The following SNAPC2 variants were observed in gnomAD, a reference collection of about 807,000 sequenced individuals.
The protein encoded by SNAPC2 is small nuclear RNA activating complex polypeptide 2, also known as snRNA-activating protein complex subunit 2.
Under a neutral mutation model 22.9 loss-of-function variants are expected in SNAPC2, and 27 were observed. The observed-to-expected ratio is 1.18, with a 90% CI of 0.87 to 1.63. SNAPC2 has a LOEUF of 1.63. Ranked by LOEUF, SNAPC2 falls within the 40% of genes most tolerant of loss-of-function variation. SNAPC2 has a pLI of 0.00. For missense variants in SNAPC2, 570 were observed against 449.1 expected (o/e 1.27, Z -2.43); for synonymous variants, 272 against 201.0 (o/e 1.35, Z -2.99).
rs972125881 is a variant in SNAPC2, at chr19:7,920,572, G to C, written c.183+23G>C. 4.0e-5 allele frequency: 51 copies of C among 1,269,688 alleles called. No individual in the cohort carries two copies. The East Asian group carries it at 1.5e-3, about 37-fold the overall frequency. The allele number at this position is 1,269,688 out of a possible 1,614,324, so 78.7% of individuals were successfully genotyped here. A position where few individuals can be genotyped will look rare whatever the true frequency, so the allele number is the denominator to read the frequency against. ...GAGGTGAGATGCGGTTCTCGGGACC[G>C]GAGCCAGGCTGGAGGCGGGGCTGGG... On this transcript the variant is annotated intron_variant, in intron 1 of 4. Coordinates refer to ENST00000221573, the MANE Select transcript of SNAPC2 (RefSeq NM_003083.4).
rs1175913943 is a variant in SNAPC2, at chr19:7,921,462, C to T, written c.223C>T (p.Arg75Trp). ...CCAGCAGCTCAAGGGCCGCGTAGCCCGGGAGGCCATTCAGAAAGTGCATCC... is the reference window on the plus strand; with the variant it reads ...CCAGCAGCTCAAGGGCCGCGTAGCCTGGGAGGCCATTCAGAAAGTGCATCC... ...FLQQLKGRVA[R>W]EAIQKVHPGG... The change falls in exon 2 of 5, where the codon CGG (arginine) becomes TGG (tryptophan). Residue 75 changes from arginine (R) to tryptophan (W), a missense_variant. Transcript: ENST00000221573. 1 of 1,613,738 alleles carries T rather than the reference C, an allele frequency of 6.2e-7. No homozygotes were observed. Among genetic ancestry groups the T allele is most frequent in the Non-Finnish European group, 8.5e-7 (1 of 1,179,858 alleles).
At position 7,922,074 on chromosome 19, in the gene SNAPC2, C is replaced by G. The variant is rs1444289499; in HGVS notation, c.412C>G (p.His138Asp). The change falls in exon 4 of 5, where the codon CAC becomes GAC. Residue 138 changes from histidine (H) to aspartate (D), a missense_variant. Coordinates refer to ENST00000221573, the MANE Select transcript of SNAPC2 (RefSeq NM_003083.4). ...IAATEPVTLL[H>D]SKPPKPTQAR... ...GGCCACGGAACCGGTCACCCTCCTG[C>G]ACTCCAAGCCCCCCAAGCCCACGCA... 1 of 1,613,356 alleles carries G rather than the reference C, an allele frequency of 6.2e-7. No homozygotes were observed. Among genetic ancestry groups the G allele is most frequent in the Non-Finnish European group, 8.5e-7 (1 of 1,179,524 alleles).
At chr19:7,921,272 C>A in intron 1 of SNAPC2, 151 bp from the exon 2 acceptor site, 1 of 1,444,772 alleles carries the variant, frequency 6.9e-7, no homozygotes, top group Non-Finnish European at 9.3e-7. Flanking sequence ...GGGGTAGGGG[C>A]CTTGGCAGTC....
intron 1 of SNAPC2, 108 bp from the exon 2 acceptor site, chr19:7,921,315 C>CT: frequency 6.4e-7 from 1 of 1,563,090 alleles, no homozygotes; most frequent in East Asian, 2.2e-5. Flanking sequence ...CAGCAGGAGA[C>CT]TAAGGCGCAG....
At position 7,922,494 on chromosome 19, in the gene SNAPC2, A is replaced by G. The variant is rs1330645919; in HGVS notation, c.735A>G (p.Pro245=). Residue 245 remains proline (P), a synonymous_variant, in exon 5 of 5, where the codon CCA becomes CCG. Coordinates refer to ENST00000221573, the MANE Select transcript of SNAPC2 (RefSeq NM_003083.4). ...DLLMSLPEEL[P]LLPCTALVEH... is the part of the protein sequence containing the mutation. ...TCATGTCACTTCCAGAGGAGCTGCC[A>G]CTCCTGCCCTGCACAGCCCTGGTTG... 1.9e-6 allele frequency: 3 copies of G among 1,601,484 alleles called. No individual in the cohort carries two copies. Among genetic ancestry groups the G allele is most frequent in the Non-Finnish European group, 2.6e-6 (3 of 1,172,378 alleles).
In SNAPC2 at chr19:7,922,555, C is replaced by A; in HGVS notation, c.796C>A (p.Pro266Thr). ...MTETYLRLTA[P>T]QPIPAGGSLG... ...GGAGACGTACCTACGCCTGACAGCC[C>A]CCCAGCCCATTCCCGCTGGAGGGAG... Residue 266 changes from proline (P) to threonine (T), a missense_variant, in exon 5 of 5, where the codon CCC becomes ACC. Coordinates refer to ENST00000221573, the MANE Select transcript of SNAPC2 (RefSeq NM_003083.4). 1 of 1,613,484 alleles carries A rather than the reference C, an allele frequency of 6.2e-7. No homozygotes were observed. Among genetic ancestry groups the A allele is most frequent in the East Asian group, 2.2e-5 (1 of 44,860 alleles).
chr19:7,922,363 G>A lies in SNAPC2; in HGVS notation c.685+16G>A. 1.2e-6 allele frequency: 2 copies of A among 1,608,302 alleles called. No individual in the cohort carries two copies. Among genetic ancestry groups the A allele is most frequent in the Non-Finnish European group, 8.5e-7 (1 of 1,176,736 alleles). Reference sequence around the variant, plus strand: ...TCAGCAGCTGGTGAGAAGGGTGAGGGAGGGGGCAGGAGCAGAGGGATCAAG... The same window carrying A: ...TCAGCAGCTGGTGAGAAGGGTGAGGAAGGGGGCAGGAGCAGAGGGATCAAG... On this transcript the variant is annotated intron_variant, in intron 4 of 4. Coordinates refer to ENST00000221573, the MANE Select transcript of SNAPC2 (RefSeq NM_003083.4).
rs1253606827 is a variant in SNAPC2, at chr19:7,920,347, C to T, written c.-20C>T. 6 of 1,555,224 alleles carry T rather than the reference C, an allele frequency of 3.9e-6. No homozygotes were observed. Among genetic ancestry groups the T allele is most frequent in the South Asian group, 1.1e-5 (1 of 87,462 alleles). On this transcript the variant is annotated 5_prime_UTR_variant, in exon 1 of 5. Coordinates refer to ENST00000221573, the MANE Select transcript of SNAPC2 (RefSeq NM_003083.4). ...CCATCGGAGAAGCGACCTTACAGCG[C>T]CTGCCTCTTTCTGAGCGGCATGAAG...
intron 1 of SNAPC2, 24 bp downstream of exon 1, chr19:7,920,573 G>A: frequency 8.3e-7 from 1 of 1,208,026 alleles, no homozygotes; most frequent in Non-Finnish European, 1.1e-6. Flanking sequence ...CTCGGGACCG[G>A]AGCCAGGCTG....
chr19:7,920,628 G>C, intron 1 of SNAPC2, 79 bp downstream of exon 1: 1 of 791,156 alleles, frequency 1.3e-6, no homozygotes, highest in Non-Finnish European at 1.8e-6. Context: ...GGCTGCGGCA[G>C]GAGCCAGCGG....
chr19:7,920,340 T>G lies in SNAPC2; in HGVS notation c.-27T>G, dbSNP rs949686713. 6.5e-7 allele frequency: 1 copy of G among 1,543,016 alleles called. No individual in the cohort carries two copies. Among genetic ancestry groups the G allele is most frequent in the Admixed American group, 1.9e-5 (1 of 52,042 alleles). ...GCTCCGCCCATCGGAGAAGCGACCTTACAGCGCCTGCCTCTTTCTGAGCGG... is the reference window on the plus strand; with the variant it reads ...GCTCCGCCCATCGGAGAAGCGACCTGACAGCGCCTGCCTCTTTCTGAGCGG... On this transcript the variant is annotated 5_prime_UTR_variant, in exon 1 of 5. Coordinates refer to ENST00000221573, the MANE Select transcript of SNAPC2 (RefSeq NM_003083.4).
rs771171348 is a variant in SNAPC2, at chr19:7,920,377, C to G, written c.11C>G (p.Pro4Arg). ...CTCTTTCTGAGCGGCATGAAGCCAC[C>G]TCCCAGGCGGCGAGCGGCCCCGGCG... The part of the protein sequence containing the change: MKP[P>R]PRRRAAPARY... Residue 4 changes from proline (P) to arginine (R), a missense_variant, in exon 1 of 5, where the codon CCT becomes CGT. Transcript: ENST00000221573. 39 of 1,578,328 alleles carry G rather than the reference C, an allele frequency of 2.5e-5. No individual in the cohort carries two copies. Among genetic ancestry groups the G allele is most frequent in the Non-Finnish European group, 3.2e-5 (37 of 1,170,212 alleles).
In SNAPC2 at chr19:7,921,719, G is replaced by T. The variant is rs772418257; in HGVS notation, c.318G>T (p.Leu106=). The change falls in exon 3 of 5, where the codon CTG becomes CTT. Residue 106 remains leucine (L), a synonymous_variant. Coordinates refer to ENST00000221573, the MANE Select transcript of SNAPC2 (RefSeq NM_003083.4). ...PPAPIEVWTD[L]AEKITGPLEE... is the part of the protein sequence containing the mutation. ...GCTTCACTCAGGTCTGGACGGATCT[G>T]GCTGAGAAGATAACAGGGCCACTGG... 1.2e-6 allele frequency: 2 copies of T among 1,613,766 alleles called. No individual in the cohort carries two copies. The highest frequency in any genetic ancestry group is 2.2e-5 in the South Asian group (2 of 90,982).
chr19:7,920,906 G>T (rs1983543690), intron 1 of SNAPC2: 1 of 1,084,504 alleles, frequency 9.2e-7, no homozygotes, highest in Admixed American at 4.7e-5. Flanking sequence ...CGGGGCGTGG[G>T]CGGGTTAATA....
rs750535606 is a variant in SNAPC2 at position 7,921,420 on chromosome 19, T to G, written c.184-3T>G. On this transcript the variant is annotated splice_region_variant and splice_polypyrimidine_tract_variant and intron_variant, in intron 1 of 4. Coordinates refer to ENST00000221573, the MANE Select transcript of SNAPC2 (RefSeq NM_003083.4). ...CTCATTCCGCCGCCTCTTTCCTTTC[T>G]AGATCCGGGTCTTCCTCCAGCAGCT... 1 of 1,613,826 alleles carries G rather than the reference T, an allele frequency of 6.2e-7. No individual in the cohort carries two copies. Among genetic ancestry groups the G allele is most frequent in the South Asian group, 1.1e-5 (1 of 91,078 alleles).
intron 3 of SNAPC2, 100 bp downstream of exon 3, chr19:7,921,873 T>C: frequency 1.4e-6 from 2 of 1,419,074 alleles, no homozygotes; most frequent in South Asian, 2.4e-5. Flanking sequence ...GCCAGCTCTG[T>C]GGACTCCGTC....
At position 7,922,084 on chromosome 19, in the gene SNAPC2, C is replaced by G. The variant is rs1345939127; in HGVS notation, c.422C>G (p.Pro141Arg). The G allele has an allele frequency of 6.2e-7, 1 of 1,613,576 alleles. No individual in the cohort carries two copies. Among genetic ancestry groups the G allele is most frequent in the South Asian group, 1.1e-5 (1 of 91,062 alleles). Residue 141 changes from proline to arginine, a missense_variant, in exon 4 of 5, where the codon CCC becomes CGC. By Grantham distance (103) the Pro-to-Arg change is moderately radical. Coordinates refer to ENST00000221573, the MANE Select transcript of SNAPC2 (RefSeq NM_003083.4). The stretch of plus-strand genomic sequence containing the variant: ...CCGGTCACCCTCCTGCACTCCAAGC[C>G]CCCCAAGCCCACGCAGGCCCGTGGA... Reference protein sequence around the residue: ...TEPVTLLHSKPPKPTQARGKP... With the variant: ...TEPVTLLHSKRPKPTQARGKP...
intron 1 of SNAPC2, chr19:7,921,142 GGACGAA>G: frequency 7.3e-7 from 1 of 1,363,086 alleles, no homozygotes. Flanking sequence ...AGAGAAGAGG[GGACGAA>G]GAAGGGAGTT....
intron 1 of SNAPC2, chr19:7,921,114 C>T (rs151283278): frequency 3.1e-6 from 4 of 1,301,308 alleles, no homozygotes; most frequent in East Asian, 3.5e-5. Flanking sequence ...AGGATACGAG[C>T]TTGAAGTGAG....
Sources: gnomAD v4.1 joint callset for allele counts on GRCh38, gnomAD v4.1.1 for gene constraint, MANE v1.5 for transcripts, NCBI Gene and HGNC (gene_info 2026-07-23, HGNC 2026-07-21) for gene names.